Variants in CDKL5 observed in about 807,000 individuals in gnomAD.
The protein encoded by CDKL5 is cyclin-dependent kinase-like 5.
CDKL5 carries 8 observed loss-of-function variants against 61.7 expected under a neutral mutation model. That is an observed-to-expected ratio of 0.13 (90% confidence interval 0.08 to 0.23). CDKL5 has a LOEUF of 0.23. CDKL5 is among the 10% of genes least tolerant of loss of function. CDKL5 has a pLI of 1.00. For missense variants in CDKL5, 440 were observed against 734.5 expected (o/e 0.60, Z 4.63); for synonymous variants, 275 against 272.3 (o/e 1.01, Z -0.10).
chrX:18,559,066 C>A (rs1384462103), intron 3 of CDKL5, among the ~76,000 whole-genome samples: 3 of 112,441 alleles, frequency 2.7e-5, no homozygotes, highest in Non-Finnish European at 5.6e-5. Context: ...CCAGCCAACC[C>A]CAATGAGAAG....
chrX:18,491,554 T>C (rs1377367314), intron 1 of CDKL5, among the ~76,000 whole-genome samples: 1 of 111,638 alleles, frequency 9.0e-6, no homozygotes, highest in Non-Finnish European at 1.9e-5. Context: ...AAGCTCCCTT[T>C]GTGAATTTTC....
At chrX:18,558,904 T>G (rs1924694475) in intron 3 of CDKL5, among the ~76,000 whole-genome samples, 1 of 111,638 alleles carries the variant, frequency 9.0e-6, no homozygotes, top group Non-Finnish European at 1.9e-5. Context: ...GGATTCGGAG[T>G]CCCCGTGGCA....
intron 3 of CDKL5, among the ~76,000 whole-genome samples, chrX:18,532,078 G>A (rs1475206184): frequency 2.7e-5 from 3 of 112,085 alleles, no homozygotes; most frequent in African/African-American, 9.7e-5. Context: ...GAAACTGGAA[G>A]TCCTGTTTAC....
At chrX:18,442,741 G>A (rs1424954305) in intron 1 of CDKL5, among the ~76,000 whole-genome samples, 3 of 111,481 alleles carry the variant, frequency 2.7e-5, no homozygotes, top group African/African-American at 9.8e-5. Context: ...TGATCCGCCC[G>A]CCTCGGCCTC....
Position 18,635,725 on chromosome X carries a change from A to T in CDKL5, c.*6968A>T. 2.4e-6 allele frequency: 1 copy of T among 418,636 alleles called. No homozygotes were observed. The highest frequency in any genetic ancestry group is 3.0e-6 in the Non-Finnish European group (1 of 332,949). The allele number at this position is 418,636 out of a possible 1,213,427, so 34.5% of individuals were successfully genotyped here. A position where few individuals can be genotyped will look rare whatever the true frequency, so the allele number is the denominator to read the frequency against. On this transcript the variant is annotated 3_prime_UTR_variant, in exon 18 of 18. Coordinates refer to ENST00000623535, the MANE Select transcript of CDKL5 (RefSeq NM_001323289.2). ...CACGTGGTAGTTTGAGGAGGATGGG[A>T]AGAGAGGCCAATCTTGTGCTAAGTG...
chrX:18,523,314 A>G (rs1923319863), intron 3 of CDKL5, among the ~76,000 whole-genome samples: 1 of 110,492 alleles, frequency 9.1e-6, no homozygotes. Flanking sequence ...GTAACTTCCA[A>G]CCTACTTTCT....
At chrX:18,624,105 C>A in intron 16 of CDKL5, 2 of 319,708 alleles carry the variant, frequency 6.3e-6, no homozygotes, top group Non-Finnish European at 8.2e-6. Flanking sequence ...TCTCTTTATG[C>A]TAGTTAAGTA....
intron 1 of CDKL5, among the ~76,000 whole-genome samples, chrX:18,427,351 G>C (rs1260418109): frequency 1.9e-5 from 2 of 107,374 alleles, no homozygotes; most frequent in African/African-American, 6.8e-5. Flanking sequence ...GGGTGGTTGA[G>C]GGGGGAAGGA....
At chrX:18,432,461 C>T (rs1931516708) in intron 1 of CDKL5, among the ~76,000 whole-genome samples, 2 of 109,884 alleles carry the variant, frequency 1.8e-5, no homozygotes. Flanking sequence ...AGGCTGGTCT[C>T]GATCTCCTGG....
chrX:18,624,419 G>C (rs1392864927), intron 16 of CDKL5, among the ~76,000 whole-genome samples: 1 of 112,247 alleles, frequency 8.9e-6, no homozygotes, highest in Non-Finnish European at 1.9e-5. Flanking sequence ...GAGCTAACAG[G>C]CTCCATGAAA....
chrX:18,537,026 C>G (rs1923865591), intron 3 of CDKL5, among the ~76,000 whole-genome samples: 2 of 103,514 alleles, frequency 1.9e-5, no homozygotes, highest in South Asian at 8.9e-4. Context: ...TACTTTTCAT[C>G]AGAAGCTTCT....
At chrX:18,534,873 T>C (rs1923766585) in intron 3 of CDKL5, among the ~76,000 whole-genome samples, 1 of 112,420 alleles carries the variant, frequency 8.9e-6, no homozygotes, top group African/African-American at 3.2e-5. Flanking sequence ...CATAAACTTC[T>C]ACCTGGTGTG....
chrX:18,583,438 G>T (rs1197795389), intron 7 of CDKL5, among the ~76,000 whole-genome samples: 1 of 112,025 alleles, frequency 8.9e-6, no homozygotes, highest in African/African-American at 3.2e-5. Context: ...ATTATCTGAA[G>T]TTAGGGGTTT....
At chrX:18,641,831 T>C (rs1353854838), downstream of CDKL5, 1 of 458,906 alleles carries the variant, frequency 2.2e-6, no homozygotes, top group African/African-American at 2.5e-5. Flanking sequence ...TCATTTTTAT[T>C]TCATTGAAAT....
chrX:18,649,457 G>A (rs1297018638), intron 20 of CDKL5, among the ~76,000 whole-genome samples: 1 of 111,723 alleles, frequency 9.0e-6, no homozygotes, highest in Non-Finnish European at 1.9e-5. Flanking sequence ...AAACATGCTT[G>A]CAGAGACGGC....
intron 16 of CDKL5, among the ~76,000 whole-genome samples, chrX:18,620,744 T>TTTTA (rs764023840): frequency 1.8e-3 from 205 of 111,024 alleles, no homozygotes; most frequent in Non-Finnish European, 2.3e-3. Flanking sequence ...AGTTAGCCGT[T>TTTTA]TTTATTTATT....
intron 4 of CDKL5, among the ~76,000 whole-genome samples, chrX:18,568,425 G>T (rs749614310): frequency 5.3e-4 from 59 of 111,733 alleles, no homozygotes; most frequent in African/African-American, 1.7e-3. Flanking sequence ...GTTTATTTTG[G>T]GACTTTAAGT....
At chrX:18,594,497 G>T (rs768140529) in intron 9 of CDKL5, among the ~76,000 whole-genome samples, 1 of 112,484 alleles carries the variant, frequency 8.9e-6, no homozygotes, top group East Asian at 2.8e-4. Context: ...CAGAATGTGT[G>T]TCTGAATTCA....
chrX:18,582,732 A>G (rs1467219734), intron 7 of CDKL5, among the ~76,000 whole-genome samples: 3 of 111,404 alleles, frequency 2.7e-5, no homozygotes, highest in African/African-American at 6.5e-5. Flanking sequence ...GAAAAATTAG[A>G]TTAGATTAGT....
Sources: allele counts gnomAD v4.1 joint callset (sites outside exome capture counted in the v4.1 genomes callset), GRCh38; gene constraint gnomAD v4.1.1; transcripts MANE v1.5; gene names NCBI Gene and HGNC (gene_info 2026-07-23, HGNC 2026-07-21).